Variants in SETD2 observed in about 807,000 individuals in gnomAD.
The protein encoded by SETD2 is histone-lysine N-methyltransferase SETD2.
Under a neutral mutation model 242.1 loss-of-function variants are expected in SETD2, and 31 were observed. That is an observed-to-expected ratio of 0.13 (90% CI 0.10 to 0.17). SETD2 has a LOEUF of 0.17. SETD2 is among the 10% of genes least tolerant of loss of function. SETD2 has a pLI of 1.00. For missense variants in SETD2, 2,481 were observed against 3,046.3 expected, an observed-to-expected ratio of 0.81 and a Z score of 4.37; for synonymous variants, 1,006 against 1,066.5, an observed-to-expected ratio of 0.94 and a Z score of 1.11.
intron 18 of SETD2, among the ~76,000 whole-genome samples, chr3:47,022,072 G>A (rs1386737922): frequency 3.9e-5 from 6 of 152,042 alleles, no homozygotes; most frequent in Admixed American, 3.9e-4. Flanking sequence ...GCTTGTGCCT[G>A]TAGTCCCAGC....
chr3:47,095,891 A>C (rs2107668858), intron 9 of SETD2, among the ~76,000 whole-genome samples: 1 of 152,282 alleles, frequency 6.6e-6, no homozygotes, highest in Middle Eastern at 3.4e-3. Flanking sequence ...AGAGTAAAAA[A>C]TGCACACAAA....
At chr3:47,072,227 G>A (rs2040854758) in intron 12 of SETD2, among the ~76,000 whole-genome samples, 1 of 152,126 alleles carries the variant, frequency 6.6e-6, no homozygotes, top group African/African-American at 2.4e-5. Flanking sequence ...AGAATGGCAT[G>A]AATCCGGGAG....
chr3:47,030,816 A>T (rs2038730123), intron 18 of SETD2, among the ~76,000 whole-genome samples: 1 of 152,228 alleles, frequency 6.6e-6, no homozygotes, highest in South Asian at 2.1e-4. Flanking sequence ...TGTTTTTAGT[A>T]GCTTTATTTA....
At chr3:47,051,875 T>C (rs2039859295) in intron 15 of SETD2, among the ~76,000 whole-genome samples, 1 of 152,224 alleles carries the variant, frequency 6.6e-6, no homozygotes, top group Non-Finnish European at 1.5e-5. Context: ...TGAAGAATTT[T>C]TCTGACAAGA....
At chr3:47,118,820 T>C (rs1279494867) in intron 3 of SETD2, among the ~76,000 whole-genome samples, 1 of 152,110 alleles carries the variant, frequency 6.6e-6, no homozygotes. Flanking sequence ...TTGGACTGAT[T>C]AGTTTTATTT....
intron 8 of SETD2, chr3:47,098,429 T>C (rs1203641184): frequency 5.8e-6 from 1 of 173,154 alleles, no homozygotes; most frequent in Non-Finnish European, 1.2e-5. Context: ...ATTACTTATA[T>C]GTAAATGTTT....
chr3:47,047,650 A>G (rs539733582), intron 15 of SETD2, among the ~76,000 whole-genome samples: 3 of 152,212 alleles, frequency 2.0e-5, no homozygotes, highest in Non-Finnish European at 4.4e-5. Context: ...ATAATTACTG[A>G]CAGGACACAG....
At chr3:47,034,429 C>A (rs1482083858) in intron 18 of SETD2, among the ~76,000 whole-genome samples, 5 of 152,176 alleles carry the variant, frequency 3.3e-5, no homozygotes, top group Admixed American at 6.5e-5. Flanking sequence ...TAGTTTAGTG[C>A]TCTTTTCCTT....
intron 1 of SETD2, among the ~76,000 whole-genome samples, chr3:47,147,011 ATTTGTT>A (rs1216419675): frequency 6.6e-6 from 1 of 151,664 alleles, no homozygotes; most frequent in Admixed American, 6.6e-5. Context: ...GCTGTAACAT[ATTTGTT>A]TTTGTTTGTT....
chr3:47,017,823 G>T lies in SETD2; in HGVS notation c.7432-84C>A. On this transcript the variant is annotated intron_variant, in intron 19 of 20. Transcript: ENST00000409792. This position sits in a 1 kb window ranked among gnomAD's most constrained non-coding sequence, Gnocchi z 4.8. Reference sequence around the variant, plus strand: ...ACTGAGGAAATAACTAGAAAAGGTAGTGAGTAAAGCCAGCCAATCCTTCTC... The same window carrying T: ...ACTGAGGAAATAACTAGAAAAGGTATTGAGTAAAGCCAGCCAATCCTTCTC... 1 of 971,390 alleles carries T rather than the reference G, an allele frequency of 1.0e-6. No individual in the cohort carries two copies. Among genetic ancestry groups the T allele is most frequent in the Non-Finnish European group, 1.7e-6 (1 of 600,960 alleles). 60.2% of individuals were successfully genotyped at this position (971,390 alleles called of 1,614,324 possible). A position where few individuals can be genotyped will look rare whatever the true frequency, so the allele number is the denominator to read the frequency against.
chr3:47,086,063 GA>G (rs1251049108), intron 11 of SETD2, 131 bp downstream of exon 11: 1 of 984,728 alleles, frequency 1.0e-6, no homozygotes, highest in Non-Finnish European at 1.5e-6. Flanking sequence ...ATACTGAGAT[GA>G]AAAAATTATT....
intron 12 of SETD2, chr3:47,080,970 C>T (rs2041294495): frequency 2.0e-6 from 2 of 986,806 alleles, no homozygotes; most frequent in South Asian, 4.7e-5. Flanking sequence ...TGTTTCTTCA[C>T]AGAATGCACG....
Position 47,164,055 on chromosome 3 carries a change from C to CGCG in SETD2, c.-134_-132dup. On this transcript the variant is annotated 5_prime_UTR_variant, in exon 1 of 21. Coordinates refer to ENST00000409792, the MANE Select transcript of SETD2 (RefSeq NM_014159.7). This position sits in a 1 kb window ranked among gnomAD's most constrained non-coding sequence, Gnocchi z 5.4. ...GGCGGCGGCGGCGGCAGGGGCGGCC[C>CGCG]GCGTCGCTACCTCGCTCGTCGCTCC... 8.3e-7 allele frequency: 1 copy of CGCG among 1,209,480 alleles called. No homozygotes were observed. The highest frequency in any genetic ancestry group is 4.1e-5 in the South Asian group (1 of 24,542). 74.9% of individuals were successfully genotyped at this position (1,209,480 alleles called of 1,614,324 possible). A position where few individuals can be genotyped will look rare whatever the true frequency, so the allele number is the denominator to read the frequency against.
rs1437403759 is a variant in SETD2, at chr3:47,107,731, G to C, written c.4716-1611C>G. Among the ~76,000 whole-genome samples the C allele has an allele frequency of 1.2e-3, 21 of 17,486 alleles. 1 individual carries two copies. The highest frequency in any genetic ancestry group is 5.8e-3 in the Admixed American group (12 of 2,078). 11.5% of individuals were successfully genotyped at this position (17,486 alleles called of 152,430 possible). On this transcript the variant is annotated intron_variant, in intron 5 of 20. Transcript: ENST00000409792. The stretch of plus-strand genomic sequence containing the variant: ...GTCACTTTGGGTGGCGGGGGGGGGT[G>C]GGGGGGGGGTGGCAGGATTGCTTTG...
intron 17 of SETD2, among the ~76,000 whole-genome samples, chr3:47,037,987 G>A (rs893561731): frequency 2.0e-5 from 3 of 152,168 alleles, no homozygotes; most frequent in African/African-American, 4.8e-5. Context: ...GTATTTCTGT[G>A]GGCAATGATG....
chr3:47,035,346 G>C (rs1002110699), intron 18 of SETD2, among the ~76,000 whole-genome samples: 15 of 152,196 alleles, frequency 9.9e-5, no homozygotes, highest in African/African-American at 3.6e-4. Flanking sequence ...CTCCAGCAGA[G>C]AGCCTTGTAA....
In SETD2 at chr3:47,121,770, C is replaced by T. The variant is rs1378974840; in HGVS notation, c.2866G>A (p.Gly956Arg). ...RENRRNNGLSGKCLQEAQEEG... is the reference protein window; with the variant it reads ...RENRRNNGLSRKCLQEAQEEG... ...TCTTGAGCCTCTTGCAAACATTTCCCAGATAACCCATTATTACGCCTGTTC... is the reference window on the plus strand; with the variant it reads ...TCTTGAGCCTCTTGCAAACATTTCCTAGATAACCCATTATTACGCCTGTTC... The change falls in exon 3 of 21, where the codon GGG becomes AGG. Residue 956 changes from glycine to arginine, a missense_variant. Physicochemically the swap from Gly to Arg is moderately radical, Grantham distance 125 (BLOSUM62 -2). This residue lies in a region of SETD2 where 1,300 missense variants were observed against 1,259.2 expected (regional missense o/e 1.03). Coordinates refer to ENST00000409792, the MANE Select transcript of SETD2 (RefSeq NM_014159.7). 6.2e-7 allele frequency: 1 copy of T among 1,614,142 alleles called. No homozygotes were observed. The highest frequency in any genetic ancestry group is 8.5e-7 in the Non-Finnish European group (1 of 1,180,010).
At chr3:47,089,015 G>C (rs1305967927) in intron 9 of SETD2, among the ~76,000 whole-genome samples, 1 of 152,094 alleles carries the variant, frequency 6.6e-6, no homozygotes, top group Non-Finnish European at 1.5e-5. Context: ...ACAGCCAAAT[G>C]CAACAACATC....
intron 13 of SETD2, among the ~76,000 whole-genome samples, chr3:47,063,486 C>A (rs2107593117): frequency 6.6e-6 from 1 of 152,066 alleles, no homozygotes; most frequent in East Asian, 1.9e-4. Flanking sequence ...CTTAAAAAAA[C>A]AAACCGACAA....
Sources: gnomAD v4.1 joint callset for allele counts (sites outside exome capture counted in the v4.1 genomes callset) on GRCh38, gnomAD v4.1.1 for gene constraint, gnomAD v4.1.1 regional missense constraint, Gnocchi (gnomAD v3.1) non-coding constraint, MANE v1.5 for transcripts, NCBI Gene and HGNC (gene_info 2026-07-23, HGNC 2026-07-21) for gene names.